WNT9B: variants seen among roughly 807,000 people sequenced by gnomAD.
WNT9B encodes the protein protein Wnt-9b.
A neutral mutation model predicts 30.2 loss-of-function variants in WNT9B; 12 were observed. That is an observed-to-expected ratio of 0.40 (90% CI 0.26 to 0.64). WNT9B has a LOEUF of 0.64. Among genes scored for constraint, WNT9B ranks in the 30% least tolerant of loss-of-function variants. WNT9B has a pLI of 0.42. For missense variants in WNT9B, 442 were observed against 485.2 expected (o/e 0.91, Z 0.84); for synonymous variants, 218 against 216.9 (o/e 1.01, Z -0.05).
chr17:46,840,533 G>A (rs973550397), intron 1 of WNT9B, among the ~76,000 whole-genome samples: 3 of 152,214 alleles, frequency 2.0e-5, no homozygotes, highest in Non-Finnish European at 4.4e-5. Context: ...CCAGTAATGG[G>A]ATCCCTGGGT....
intron 2 of WNT9B, among the ~76,000 whole-genome samples, chr17:46,874,320 T>C (rs550275397): frequency 6.6e-6 from 1 of 152,226 alleles, no homozygotes; most frequent in African/African-American, 2.4e-5. Flanking sequence ...AGAACCATCA[T>C]GTGTCATAGG....
intron 1 of WNT9B, among the ~76,000 whole-genome samples, chr17:46,870,656 G>T (rs1021916205): frequency 6.6e-6 from 1 of 152,190 alleles, no homozygotes; most frequent in African/African-American, 2.4e-5. Context: ...TGGCCAGGCC[G>T]CATACCCTCT....
chr17:46,875,002 C>G (rs762688649), intron 2 of WNT9B, 99 bp from the exon 3 acceptor site: 1 of 1,586,888 alleles, frequency 6.3e-7, no homozygotes, highest in East Asian at 2.2e-5. Context: ...CTGCCACCAC[C>G]GCCTCTGGCC....
intron 1 of WNT9B, among the ~76,000 whole-genome samples, chr17:46,834,335 G>A (rs1418818374): frequency 6.6e-6 from 1 of 152,196 alleles, no homozygotes; most frequent in Non-Finnish European, 1.5e-5. Context: ...GCCTGGGTCT[G>A]ATCGCAGGAG....
intron 3 of WNT9B, 69 bp from the exon 4 acceptor site, chr17:46,876,176 G>GCT (rs2085341942): frequency 7.0e-7 from 1 of 1,438,066 alleles, no homozygotes; most frequent in Admixed American, 2.2e-5. Context: ...TGGGGTTGGT[G>GCT]CTCTGGGGGC....
chr17:46,872,779 G>A lies in WNT9B; in HGVS notation c.334+6G>A, dbSNP rs775713728. The A allele has an allele frequency of 1.1e-5, 18 of 1,584,550 alleles. No homozygotes were observed. The highest frequency in any genetic ancestry group is 2.7e-5 in the African/African-American group (2 of 74,268). ...GATGGGCCTGCTCAAGAGAGGTGGGGAGGAGGGCTAGGGGACGGGGAGGGC... is the reference window on the plus strand; with the variant it reads ...GATGGGCCTGCTCAAGAGAGGTGGGAAGGAGGGCTAGGGGACGGGGAGGGC... On this transcript the variant is annotated splice_donor_region_variant and intron_variant, in intron 2 of 3. Coordinates refer to ENST00000290015, the MANE Select transcript of WNT9B (RefSeq NM_003396.3).
intron 1 of WNT9B, among the ~76,000 whole-genome samples, chr17:46,843,983 C>T (rs2084744607): frequency 6.6e-6 from 1 of 152,224 alleles, no homozygotes; most frequent in Non-Finnish European, 1.5e-5. Flanking sequence ...GGTTCTTGCT[C>T]TGTTGCAGTT....
chr17:46,836,093 G>GAC (rs1413228303), intron 1 of WNT9B, among the ~76,000 whole-genome samples: 5 of 65,038 alleles, frequency 7.7e-5, no homozygotes, highest in African/African-American at 2.1e-4. Flanking sequence ...GAGAGACGCT[G>GAC]ACGTGTGTGT....
At chr17:46,841,406 T>C (rs1164571080) in intron 1 of WNT9B, among the ~76,000 whole-genome samples, 1 of 152,128 alleles carries the variant, frequency 6.6e-6, no homozygotes, top group African/African-American at 2.4e-5. Context: ...GCATCGATAT[T>C]CATCACCGAG....
chr17:46,848,299 G>C (rs2084801078), upstream of WNT9B, among the ~76,000 whole-genome samples: 1 of 152,170 alleles, frequency 6.6e-6, no homozygotes, highest in African/African-American at 2.4e-5. Context: ...GTGTTTGTAT[G>C]ATACTTTACA....
chr17:46,855,961 T>TTA (rs2146552825), intron 1 of WNT9B, among the ~76,000 whole-genome samples: 1 of 152,334 alleles, frequency 6.6e-6, no homozygotes, highest in Non-Finnish European at 1.5e-5. Flanking sequence ...ACTGCTGGGC[T>TTA]TATAGGTGTG....
In WNT9B at chr17:46,837,812, T is replaced by C. The variant is rs115078310; in HGVS notation, c.95+4372T>C. On this transcript the variant is annotated intron_variant, in intron 1 of 2. Coordinates refer to the WNT9B transcript ENST00000575372. ...CAGGGCTGATATGCACAATTGTGCA[T>C]GTTGTGCACTGCAAAAGGTTACACC... Among the ~76,000 whole-genome samples the C allele has an allele frequency of 5.8e-3, 881 of 152,326 alleles. 6 individuals are homozygous for C. The highest frequency in any genetic ancestry group is 0.021 in the African/African-American group (855 of 41,572).
chr17:46,842,615 C>A (rs1227012514), intron 1 of WNT9B, among the ~76,000 whole-genome samples: 2 of 152,192 alleles, frequency 1.3e-5, no homozygotes, highest in Non-Finnish European at 2.9e-5. Flanking sequence ...TCAAGTGATC[C>A]TCCCATCTCA....
rs71375369 is a variant in WNT9B, at chr17:46,856,585, G to A, written c.77+4870G>A. 1.5e-3 allele frequency among the ~76,000 whole-genome samples: 231 copies of A among 151,642 alleles called. 4 individuals are homozygous for A. The highest frequency in any genetic ancestry group is 5.0e-3 in the African/African-American group (208 of 41,316). On this transcript the variant is annotated intron_variant, in intron 1 of 3. Coordinates refer to ENST00000290015, the MANE Select transcript of WNT9B (RefSeq NM_003396.3). ...CTGCAGCCTCCGCCTCCCGGTTCAA[G>A]TGATTCTCCTGCCTCAGCCTCTCAA...
At chr17:46,860,696 AC>A (rs1269410151) in intron 1 of WNT9B, among the ~76,000 whole-genome samples, 1 of 152,202 alleles carries the variant, frequency 6.6e-6, no homozygotes, top group Non-Finnish European at 1.5e-5. Flanking sequence ...TTTGGTGGTG[AC>A]ATCTGTTCCT....
Position 46,851,715 on chromosome 17 carries a change from G to T in WNT9B, c.77G>T (p.Gly26Val). 7.7e-7 allele frequency: 1 copy of T among 1,299,676 alleles called. No homozygotes were observed. Among genetic ancestry groups the T allele is most frequent in the Non-Finnish European group, 9.7e-7 (1 of 1,027,892 alleles). 80.5% of individuals were successfully genotyped at this position (1,299,676 alleles called of 1,614,324 possible). A position where few individuals can be genotyped will look rare whatever the true frequency, so the allele number is the denominator to read the frequency against. Residue 26 changes from glycine to valine, a missense_variant and splice_region_variant, in exon 1 of 4, where the codon GGC becomes GTC. Transcript: ENST00000290015. The surrounding 1 kb of genome is among the most constrained non-coding windows in gnomAD (Gnocchi z 4.3). ...CCCGCCGCCGCCGCCTCCTACTTCG[G>T]GTCAGTGCCCGCCGCGCCCCCCGCC... ...ALPAAAASYF[G>V]LTGREVLTPF...
rs1386770963 is a variant in WNT9B, at chr17:46,876,433, C to A, written c.789C>A (p.Ala263=). 2 of 1,613,736 alleles carry A rather than the reference C, an allele frequency of 1.2e-6. No homozygotes were observed. The highest frequency in any genetic ancestry group is 1.7e-6 in the Non-Finnish European group (2 of 1,180,024). The change falls in exon 4 of 4, where the codon GCC becomes GCA. Residue 263 remains alanine, a synonymous_variant. Coordinates refer to ENST00000290015, the MANE Select transcript of WNT9B (RefSeq NM_003396.3). ...NEALGRLELW[A]PARQGSLTKG... Reference sequence around the variant, plus strand: ...CCTTGGGCCGCCTAGAGCTGTGGGCCCCTGCCAGGCAGGGCAGCCTCACCA... The same window carrying A: ...CCTTGGGCCGCCTAGAGCTGTGGGCACCTGCCAGGCAGGGCAGCCTCACCA...
chr17:46,849,278 C>T (rs1037133196), upstream of WNT9B, among the ~76,000 whole-genome samples: 3 of 152,240 alleles, frequency 2.0e-5, no homozygotes, highest in Admixed American at 1.3e-4. Context: ...CATAGGCTTA[C>T]CCATCAGACA....
chr17:46,868,097 G>A (rs1000715375), intron 1 of WNT9B, among the ~76,000 whole-genome samples: 4 of 152,158 alleles, frequency 2.6e-5, no homozygotes, highest in African/African-American at 9.7e-5. Context: ...GGAGGTAGCT[G>A]GGCCAAAGCA....
Sources: gnomAD v4.1 joint callset for allele counts (sites outside exome capture counted in the v4.1 genomes callset) on GRCh38, gnomAD v4.1.1 for gene constraint, Gnocchi (gnomAD v3.1) non-coding constraint, MANE v1.5 for transcripts, NCBI Gene and HGNC (gene_info 2026-07-23, HGNC 2026-07-21) for gene names.